Variants in ZNF536 observed in about 807,000 individuals in gnomAD.
ZNF536 encodes zinc finger protein 536.
Under a neutral mutation model 84.5 loss-of-function variants are expected in ZNF536, and 13 were observed. The ratio of observed to expected loss-of-function variants is 0.15; its 90% CI spans 0.10 to 0.24. The LOEUF (loss-of-function observed/expected upper bound fraction) is 0.24, where lower values mean the gene tolerates loss of function less well. Ranked by LOEUF, ZNF536 falls within the 10% of genes least tolerant of loss-of-function variation. The pLI is 1.00. For synonymous variants in ZNF536, 811 were observed against 742.5 expected (o/e 1.09, Z -1.50); for missense variants, 1,536 against 1,747.5 (o/e 0.88, Z 2.16).
chr19:30,226,825 G>A (rs2022640673), upstream of ZNF536, among the ~76,000 whole-genome samples: 1 of 152,072 alleles, frequency 6.6e-6, no homozygotes. The surrounding 1 kb of genome is among the most constrained non-coding windows in gnomAD (Gnocchi z 4.6). Flanking sequence ...TCTGGGAAGA[G>A]TGCAATCTGG....
chr19:30,473,174 C>T (rs1410341748), intron 2 of ZNF536, among the ~76,000 whole-genome samples: 1 of 151,906 alleles, frequency 6.6e-6, no homozygotes, highest in East Asian at 1.9e-4. Flanking sequence ...TCACTGCACT[C>T]CAGCCTGGGT....
intron 1 of ZNF536, among the ~76,000 whole-genome samples, chr19:30,440,417 G>A (rs2051982671): frequency 6.6e-6 from 1 of 152,078 alleles, no homozygotes. Context: ...CTGGACTTGT[G>A]CAAAGGCCGA....
rs117045070 is a variant in ZNF536, at chr19:30,315,478, C to T, written c.-120+31337C>T. ...CCACCCCCCTCTGGGCCCTCTGTAG[C>T]AGGGTCTGGTTTGAGAAGGTCAACA... On this transcript the variant is annotated intron_variant, in intron 2 of 5. Coordinates refer to the ZNF536 transcript ENST00000585628. Among the ~76,000 whole-genome samples, 15 of 152,196 alleles carry T rather than the reference C, an allele frequency of 9.9e-5. No homozygotes were observed. In the East Asian group the frequency reaches 2.7e-3, roughly 27 times the overall value.
In ZNF536 at chr19:30,637,658, A is replaced by T. The variant is rs146483097; in HGVS notation, c.170-73099A>T. 3.2e-3 allele frequency among the ~76,000 whole-genome samples: 495 copies of T among 152,322 alleles called. 3 individuals carry two copies. Among genetic ancestry groups the T allele is most frequent in the African/African-American group, 0.012 (485 of 41,574 alleles). ...ATATTTTAACATCCTTCTACCCTTGATGATCACATAGCTCTTCTTCCAATC... is the reference window on the plus strand; with the variant it reads ...ATATTTTAACATCCTTCTACCCTTGTTGATCACATAGCTCTTCTTCCAATC... On this transcript the variant is annotated intron_variant, in intron 1 of 1. Coordinates refer to the ZNF536 transcript ENST00000592773.
At chr19:30,674,326 G>C (rs1160466097) in intron 1 of ZNF536, among the ~76,000 whole-genome samples, 1 of 152,246 alleles carries the variant, frequency 6.6e-6, no homozygotes, top group Non-Finnish European at 1.5e-5. Context: ...AGGCTGCCCG[G>C]GGATGGAGAG....
chr19:30,479,837 C>A (rs1274430871), intron 2 of ZNF536, among the ~76,000 whole-genome samples: 1 of 152,242 alleles, frequency 6.6e-6, no homozygotes, highest in Non-Finnish European at 1.5e-5. Flanking sequence ...CACTTCTTTG[C>A]CTTGCTTCAG....
At chr19:30,606,345 C>T (rs992889498) in intron 1 of ZNF536, among the ~76,000 whole-genome samples, 1 of 151,398 alleles carries the variant, frequency 6.6e-6, no homozygotes, top group African/African-American at 2.4e-5. Context: ...AGGACACACA[C>T]ACCTCTTAAG....
At chr19:30,258,525 G>A (rs1253090324) in intron 1 of ZNF536, among the ~76,000 whole-genome samples, 1 of 152,166 alleles carries the variant, frequency 6.6e-6, no homozygotes, top group Non-Finnish European at 1.5e-5. Context: ...TACATTAACT[G>A]TGTTATGGAA....
intron 1 of ZNF536, among the ~76,000 whole-genome samples, chr19:30,376,967 C>T (rs2048843212): frequency 6.6e-6 from 1 of 152,208 alleles, no homozygotes; most frequent in African/African-American, 2.4e-5. Flanking sequence ...GCCTCTGCTA[C>T]TTGGCTGCCC....
chr19:30,259,161 G>A (rs1428047813), intron 1 of ZNF536, among the ~76,000 whole-genome samples: 7 of 152,160 alleles, frequency 4.6e-5, no homozygotes, highest in Non-Finnish European at 1.0e-4. Flanking sequence ...TGGGGAGAAG[G>A]TAGCGATTTT....
chr19:30,593,510 T>C (rs1027871376), intron 1 of ZNF536, among the ~76,000 whole-genome samples: 4 of 152,196 alleles, frequency 2.6e-5, no homozygotes, highest in Non-Finnish European at 5.9e-5. Flanking sequence ...TTCTACTTTC[T>C]GAAATGGAGC....
chr19:30,685,394 G>GGT (rs372492793), intron 1 of ZNF536, among the ~76,000 whole-genome samples: 4 of 151,892 alleles, frequency 2.6e-5, no homozygotes, highest in African/African-American at 7.3e-5. Context: ...GTAGGTGTGG[G>GGT]GTGTGTGTGT....
intron 1 of ZNF536, among the ~76,000 whole-genome samples, chr19:30,240,145 G>A (rs1466501833): frequency 6.6e-6 from 1 of 151,964 alleles, no homozygotes; most frequent in Non-Finnish European, 1.5e-5. Flanking sequence ...GAGGCGAGCA[G>A]ATCTGTTGAG....
chr19:30,678,125 C>A (rs2050822621), intron 1 of ZNF536, among the ~76,000 whole-genome samples: 1 of 152,204 alleles, frequency 6.6e-6, no homozygotes, highest in Admixed American at 6.5e-5. Context: ...GAAAAAGCAG[C>A]ATCAAGAAAC....
At chr19:30,471,959 G>A (rs922968011) in intron 2 of ZNF536, among the ~76,000 whole-genome samples, 17 of 151,624 alleles carry the variant, frequency 1.1e-4, no homozygotes, top group Admixed American at 2.0e-4. Flanking sequence ...AATGCTACAT[G>A]AGCCTTTATG....
At chr19:30,624,489 C>T (rs1352601874) in intron 1 of ZNF536, among the ~76,000 whole-genome samples, 1 of 152,214 alleles carries the variant, frequency 6.6e-6, no homozygotes, top group Admixed American at 6.5e-5. Flanking sequence ...CTTTTATGAT[C>T]ATGCCATGTA....
At chr19:30,458,378 T>C (rs371240165) in intron 2 of ZNF536, among the ~76,000 whole-genome samples, 1 of 151,562 alleles carries the variant, frequency 6.6e-6, no homozygotes, top group Non-Finnish European at 1.5e-5. Context: ...TTTTAAAGGG[T>C]CTTACCTGCT....
intron 1 of ZNF536, among the ~76,000 whole-genome samples, chr19:30,599,586 G>C (rs937496371): frequency 1.3e-5 from 2 of 150,940 alleles, no homozygotes; most frequent in East Asian, 4.0e-4. Flanking sequence ...ATTGAGCCTG[G>C]CCTGTGTGAC....
chr19:30,231,106 C>T (rs151297779), intron 1 of ZNF536, among the ~76,000 whole-genome samples: 14 of 152,152 alleles, frequency 9.2e-5, no homozygotes, highest in African/African-American at 3.1e-4. Flanking sequence ...TTTAAGTAAG[C>T]TGAAATATCA....
Sources: gnomAD v4.1 joint callset for allele counts (sites outside exome capture counted in the v4.1 genomes callset) on GRCh38, gnomAD v4.1.1 for gene constraint, Gnocchi (gnomAD v3.1) non-coding constraint, MANE v1.5 for transcripts, NCBI Gene and HGNC (gene_info 2026-07-23, HGNC 2026-07-21) for gene names.